The following CSMD1 variants were observed in gnomAD, a reference collection of about 807,000 sequenced individuals.
The protein encoded by CSMD1 is CUB and Sushi multiple domains 1, also known as CUB and sushi domain-containing protein 1.
A neutral mutation model predicts 417.5 loss-of-function variants in CSMD1; 213 were observed. The observed-to-expected ratio is 0.51, with a 90% CI of 0.46 to 0.57. The LOEUF (loss-of-function observed/expected upper bound fraction) is 0.57, where lower values mean the gene tolerates loss of function less well. Among genes scored for constraint, CSMD1 ranks in the 20% least tolerant of loss-of-function variants. CSMD1 has a pLI of 0.00. For missense variants in CSMD1, 6,923 were observed against 4,529.7 expected (o/e 1.53, Z -15.17); for synonymous variants, 2,862 against 1,736.8 (o/e 1.65, Z -16.11).
chr8:3,554,939 T>C (rs1013239305), intron 10 of CSMD1, among the ~76,000 whole-genome samples: 2 of 151,724 alleles, frequency 1.3e-5, no homozygotes, highest in African/African-American at 4.8e-5. Flanking sequence ...GGCAAGTGGG[T>C]CAGGGGTGTT....
chr8:3,960,689 T>C lies in CSMD1; in HGVS notation c.818+37214A>G, dbSNP rs1227474154. Among the ~76,000 whole-genome samples the C allele has an allele frequency of 3.3e-5, 5 of 151,962 alleles. No homozygotes were observed. In the East Asian group the frequency reaches 5.8e-4, roughly 18 times the overall value. On this transcript the variant is annotated intron_variant, in intron 5 of 69. Transcript: ENST00000635120. ...GTTATGATAAAACTTTTTATAAAGA[T>C]AAATTTAATAAGATATATTTCTTTT...
At chr8:4,286,911 T>C (rs2128864330) in intron 3 of CSMD1, among the ~76,000 whole-genome samples, 1 of 152,314 alleles carries the variant, frequency 6.6e-6, no homozygotes, top group East Asian at 1.9e-4. Context: ...TTGATTCAAA[T>C]GAATCAGTTT....
At chr8:4,371,929 G>A (rs1390320864) in intron 3 of CSMD1, among the ~76,000 whole-genome samples, 4 of 152,192 alleles carry the variant, frequency 2.6e-5, no homozygotes, top group Non-Finnish European at 4.4e-5. Context: ...CAAGAGTAAT[G>A]ATGACGAAAA....
In CSMD1 at chr8:4,444,231, A is replaced by G. The variant is rs530675043; in HGVS notation, c.303-24166T>C. Among the ~76,000 whole-genome samples, 40 of 151,332 alleles carry G rather than the reference A, an allele frequency of 2.6e-4. No individual in the cohort carries two copies. The South Asian group carries it at 8.0e-3, about 30-fold the overall frequency. ...GTGGCACAGACCTGTGATCCCAACT[A>G]CTCGGGAGGCTGAGGCAGGAGAATT... On this transcript the variant is annotated intron_variant, in intron 2 of 69. Coordinates refer to ENST00000635120, the MANE Select transcript of CSMD1 (RefSeq NM_033225.6).
At chr8:4,165,472 T>A (rs1797403215) in intron 3 of CSMD1, among the ~76,000 whole-genome samples, 1 of 152,206 alleles carries the variant, frequency 6.6e-6, no homozygotes, top group South Asian at 2.1e-4. Context: ...ATGGCAGTCA[T>A]TGCTCACTGT....
At chr8:3,925,206 G>C (rs527284077) in intron 5 of CSMD1, among the ~76,000 whole-genome samples, 118 of 152,300 alleles carry the variant, frequency 7.7e-4, no homozygotes, top group African/African-American at 2.7e-3. Flanking sequence ...TTTTCAATTT[G>C]CTACATTTTG....
intron 5 of CSMD1, among the ~76,000 whole-genome samples, chr8:3,766,169 T>C (rs1044531906): frequency 1.3e-5 from 2 of 152,096 alleles, no homozygotes; most frequent in Admixed American, 1.3e-4. Flanking sequence ...ACTTTGGGCC[T>C]CCTGTCCACG....
intron 3 of CSMD1, among the ~76,000 whole-genome samples, chr8:4,137,266 T>C (rs1240004355): frequency 6.6e-6 from 1 of 152,172 alleles, no homozygotes; most frequent in East Asian, 1.9e-4. Context: ...GAGAAATTGA[T>C]AAAGAAACAT....
At chr8:4,537,587 C>T (rs1403862973) in intron 2 of CSMD1, among the ~76,000 whole-genome samples, 1 of 152,116 alleles carries the variant, frequency 6.6e-6, no homozygotes, top group Non-Finnish European at 1.5e-5. Context: ...ATTTCGTGGC[C>T]TGGGCTTTTC....
chr8:3,407,248 G>A (rs971083356), intron 14 of CSMD1, among the ~76,000 whole-genome samples: 1 of 151,446 alleles, frequency 6.6e-6, no homozygotes, highest in Non-Finnish European at 1.5e-5. Context: ...GGAAGGGAAG[G>A]ATGAATGGAA....
intron 46 of CSMD1, among the ~76,000 whole-genome samples, chr8:3,100,632 C>G (rs1443610116): frequency 6.6e-6 from 1 of 152,196 alleles, no homozygotes; most frequent in Non-Finnish European, 1.5e-5. Flanking sequence ...CAGACATCAC[C>G]TGCGCCTCGA....
chr8:3,913,079 G>A (rs191961322), intron 5 of CSMD1, among the ~76,000 whole-genome samples: 1 of 152,134 alleles, frequency 6.6e-6, no homozygotes, highest in Non-Finnish European at 1.5e-5. Context: ...TAGGAAAGGA[G>A]CTTTTGGATG....
chr8:4,920,173 C>A (rs138987849), intron 1 of CSMD1, among the ~76,000 whole-genome samples: 1,546 of 152,154 alleles, frequency 0.01, 15 homozygotes, highest in African/African-American at 0.025. Context: ...TGAGTCAATG[C>A]CTTTTCTAAG....
chr8:4,760,142 C>G (rs1433476201), intron 1 of CSMD1, among the ~76,000 whole-genome samples: 2 of 152,302 alleles, frequency 1.3e-5, no homozygotes, highest in Middle Eastern at 3.4e-3. Flanking sequence ...ATGGCTCACA[C>G]AGGATGTCTG....
intron 4 of CSMD1, among the ~76,000 whole-genome samples, chr8:4,026,113 T>G (rs1797052482): frequency 1.3e-5 from 2 of 152,156 alleles, no homozygotes; most frequent in African/African-American, 4.8e-5. Flanking sequence ...GTGAATTATC[T>G]CAGTCCATAT....
chr8:3,510,492 A>T (rs1436278208), intron 10 of CSMD1, among the ~76,000 whole-genome samples: 3 of 151,988 alleles, frequency 2.0e-5, no homozygotes, highest in African/African-American at 7.3e-5. Context: ...GGTCTCTGAA[A>T]ATGAGGTCTT....
In CSMD1 at chr8:4,925,215, G is replaced by GTTTTTTTT. The variant is rs10692207; in HGVS notation, c.85+69109_85+69116dup. Among the ~76,000 whole-genome samples, 228 of 72,710 alleles carry GTTTTTTTT rather than the reference G, an allele frequency of 3.1e-3. 12 individuals are homozygous for GTTTTTTTT. The highest frequency in any genetic ancestry group is 0.017 in the Middle Eastern group (1 of 60). The allele number at this position is 72,710 out of a possible 152,430, so 47.7% of individuals were successfully genotyped here. On this transcript the variant is annotated intron_variant, in intron 1 of 69. Transcript: ENST00000635120. The stretch of plus-strand genomic sequence containing the variant: ...AAACATGGTGAATACCAGTTTTATG[G>GTTTTTTTT]TTTTTTTTTTTTTTTTTTTTTTTTT...
At chr8:4,432,702 G>A (rs1035149371) in intron 2 of CSMD1, among the ~76,000 whole-genome samples, 1 of 152,172 alleles carries the variant, frequency 6.6e-6, no homozygotes, top group African/African-American at 2.4e-5. Context: ...TCTCTCCAGA[G>A]CCTGTGCTTT....
intron 4 of CSMD1, among the ~76,000 whole-genome samples, chr8:4,007,944 T>C (rs913157554): frequency 2.0e-5 from 3 of 152,168 alleles, no homozygotes; most frequent in Admixed American, 1.3e-4. Context: ...GAACTCTTAA[T>C]AGAGCGAAAT....
Sources: allele counts gnomAD v4.1 joint callset (sites outside exome capture counted in the v4.1 genomes callset), GRCh38; gene constraint gnomAD v4.1.1; transcripts MANE v1.5; gene names NCBI Gene and HGNC (gene_info 2026-07-23, HGNC 2026-07-21).